THSD4: variants seen among roughly 807,000 people sequenced by gnomAD.
THSD4 encodes the protein thrombospondin type-1 domain-containing protein 4.
A neutral mutation model predicts 119.0 loss-of-function variants in THSD4; 69 were observed. That is an observed-to-expected ratio of 0.58 (90% CI 0.48 to 0.71). THSD4 has a LOEUF of 0.71. Among genes scored for constraint, THSD4 ranks in the 30% least tolerant of loss-of-function variants. THSD4 has a pLI of 0.00. For synonymous variants in THSD4, 524 were observed against 540.4 expected (o/e 0.97, Z 0.42); for missense variants, 1,393 against 1,391.1 (o/e 1.00, Z -0.02).
At chr15:71,480,193 T>C (rs1268196180) in intron 7 of THSD4, among the ~76,000 whole-genome samples, 1 of 152,184 alleles carries the variant, frequency 6.6e-6, no homozygotes, top group African/African-American at 2.4e-5. Flanking sequence ...CATGCCAGGA[T>C]GCCTGGCTAA....
At chr15:71,726,879 G>A (rs1458761847) in intron 8 of THSD4, among the ~76,000 whole-genome samples, 1 of 151,840 alleles carries the variant, frequency 6.6e-6, no homozygotes, top group East Asian at 1.9e-4. Flanking sequence ...AGAGGTTGCA[G>A]TGAGACGAGA....
chr15:71,693,136 C>A (rs1024828264), intron 8 of THSD4, among the ~76,000 whole-genome samples: 1 of 152,058 alleles, frequency 6.6e-6, no homozygotes, highest in African/African-American at 2.4e-5. Context: ...GGGGGGAAAC[C>A]TAGCCTATGG....
intron 7 of THSD4, among the ~76,000 whole-genome samples, chr15:71,588,317 A>G (rs188200565): frequency 0.02 from 3,061 of 151,970 alleles, 99 homozygotes; most frequent in African/African-American, 0.069. Context: ...AAAAAAAAAA[A>G]AAAAAGAATC....
intron 7 of THSD4, among the ~76,000 whole-genome samples, chr15:71,558,654 A>G (rs2049061846): frequency 6.6e-6 from 1 of 152,052 alleles, no homozygotes; most frequent in Non-Finnish European, 1.5e-5. Flanking sequence ...AATTTTTTGT[A>G]GAGATGGGGT....
intron 7 of THSD4, among the ~76,000 whole-genome samples, chr15:71,610,588 C>A (rs545029764): frequency 6.6e-6 from 1 of 152,348 alleles, no homozygotes; most frequent in Non-Finnish European, 1.5e-5. Context: ...GACAGGGATA[C>A]AGGCATCCTG....
At chr15:71,513,306 C>G (rs2048309953) in intron 7 of THSD4, among the ~76,000 whole-genome samples, 1 of 152,198 alleles carries the variant, frequency 6.6e-6, no homozygotes, top group Admixed American at 6.5e-5. Context: ...TAGACTGTTA[C>G]AGCATTGTCT....
chr15:71,349,835 CAG>C (rs997890662), intron 6 of THSD4, among the ~76,000 whole-genome samples: 3 of 151,958 alleles, frequency 2.0e-5, no homozygotes, highest in Admixed American at 6.6e-5. Context: ...GTAAGGGTAA[CAG>C]AGATTCAGTG....
intron 7 of THSD4, among the ~76,000 whole-genome samples, chr15:71,486,474 C>A (rs1159864312): frequency 6.6e-6 from 1 of 152,104 alleles, no homozygotes; most frequent in Non-Finnish European, 1.5e-5. Context: ...CCGTAAATGC[C>A]CATTCTCTCA....
chr15:71,407,708 C>A (rs770515301), intron 6 of THSD4, among the ~76,000 whole-genome samples: 1 of 151,790 alleles, frequency 6.6e-6, no homozygotes, highest in Non-Finnish European at 1.5e-5. Flanking sequence ...TAAATTCAGG[C>A]GTGGGATCTG....
chr15:71,596,970 C>G (rs1360386970), intron 7 of THSD4, among the ~76,000 whole-genome samples: 1 of 152,182 alleles, frequency 6.6e-6, no homozygotes, highest in African/African-American at 2.4e-5. Flanking sequence ...CTTTAGGGAA[C>G]AGGGCTGGGT....
chr15:71,565,603 G>A (rs2049220507), intron 7 of THSD4, among the ~76,000 whole-genome samples: 1 of 152,274 alleles, frequency 6.6e-6, no homozygotes, highest in Non-Finnish European at 1.5e-5. Flanking sequence ...AAAGACTTTA[G>A]CAGGCTGGAA....
intron 3 of THSD4, among the ~76,000 whole-genome samples, chr15:71,188,262 G>GGAT (rs925105467): frequency 6.6e-6 from 1 of 152,144 alleles, no homozygotes; most frequent in Non-Finnish European, 1.5e-5. Flanking sequence ...TGGCTTCGAA[G>GGAT]GATGATGATG....
chr15:71,744,555 T>G (rs1450764600), intron 11 of THSD4, among the ~76,000 whole-genome samples: 1 of 152,178 alleles, frequency 6.6e-6, no homozygotes, highest in Non-Finnish European at 1.5e-5. Context: ...ATCCCTTAAA[T>G]GTACCTGGTG....
chr15:71,620,775 A>G (rs897018440), intron 7 of THSD4, among the ~76,000 whole-genome samples: 2 of 152,126 alleles, frequency 1.3e-5, no homozygotes, highest in Non-Finnish European at 2.9e-5. Context: ...CACCCCTCCA[A>G]CATAGACTTA....
intron 7 of THSD4, among the ~76,000 whole-genome samples, chr15:71,560,975 T>A (rs867921154): frequency 0.3 from 42,061 of 138,500 alleles, 7,348 homozygotes; most frequent in South Asian, 0.46. Context: ...TTTATCTTTT[T>A]TTTTTTTTTT....
At chr15:71,772,713 C>T (rs541346954) in intron 17 of THSD4, among the ~76,000 whole-genome samples, 8 of 152,090 alleles carry the variant, frequency 5.3e-5, no homozygotes, top group East Asian at 1.9e-4. Flanking sequence ...CATATACCAA[C>T]GTTATAATGC....
chr15:71,381,162 C>T (rs4777378), intron 6 of THSD4, among the ~76,000 whole-genome samples: 73,947 of 151,860 alleles, frequency 0.49, 18,867 homozygotes, highest in East Asian at 0.69. Context: ...GAGTGCAGAA[C>T]TTGTAATAAG....
At chr15:71,531,734 A>G (rs928895600) in intron 7 of THSD4, among the ~76,000 whole-genome samples, 4 of 152,262 alleles carry the variant, frequency 2.6e-5, no homozygotes, top group South Asian at 2.1e-4. Context: ...TTTTGTTGAA[A>G]TGCAGGGAGA....
At chr15:71,662,758 C>T (rs1461046464) in intron 8 of THSD4, among the ~76,000 whole-genome samples, 1 of 152,042 alleles carries the variant, frequency 6.6e-6, no homozygotes, top group East Asian at 1.9e-4. Flanking sequence ...GAATCTTCAC[C>T]TTATAAGTAG....
Sources: allele counts gnomAD v4.1 joint callset (sites outside exome capture counted in the v4.1 genomes callset), GRCh38; gene constraint gnomAD v4.1.1; transcripts MANE v1.5; gene names NCBI Gene and HGNC (gene_info 2026-07-23, HGNC 2026-07-21).